CDH23: variants seen among roughly 807,000 people sequenced by gnomAD.
CDH23 encodes the protein cadherin related 23.
A neutral mutation model predicts 317.1 loss-of-function variants in CDH23; 189 were observed. That is an observed-to-expected ratio of 0.60 (90% CI 0.53 to 0.67). The LOEUF is 0.67. Among genes scored for constraint, CDH23 ranks in the 30% least tolerant of loss-of-function variants. The pLI is 0.00. For synonymous variants in CDH23, 1,839 were observed against 1,876.8 expected, an observed-to-expected ratio of 0.98 and a Z score of 0.52; for missense variants, 4,401 against 4,592.4, an observed-to-expected ratio of 0.96 and a Z score of 1.20.
chr10:71,741,075 C>T, intron 37 of CDH23, 125 bp downstream of exon 37: 1 of 1,132,706 alleles, frequency 8.8e-7, no homozygotes, highest in Non-Finnish European at 1.3e-6. Context: ...TGGATGGGAA[C>T]TGTGGCTCAT....
intron 1 of CDH23, among the ~76,000 whole-genome samples, chr10:71,430,583 C>T (rs1162774218): frequency 2.0e-5 from 3 of 152,196 alleles, no homozygotes; most frequent in African/African-American, 7.2e-5. Flanking sequence ...CCGAGGTGGG[C>T]GGATCATTTG....
At chr10:71,713,356 G>C (rs569274550) in intron 28 of CDH23, 1 of 756,580 alleles carries the variant, frequency 1.3e-6, no homozygotes, top group South Asian at 1.4e-5. Context: ...CTGCCCAGAG[G>C]CCTCAGTTGC....
At chr10:71,750,453 C>G (rs1228690943) in intron 38 of CDH23, 1 of 152,346 alleles carries the variant, frequency 6.6e-6, no homozygotes, top group Non-Finnish European at 1.5e-5. Context: ...GGGCGGGGGG[C>G]AGGTGCCCCT....
At chr10:71,811,613 A>G (rs771948881) in intron 64 of CDH23, 23 bp downstream of exon 64, 4 of 1,613,696 alleles carry the variant, frequency 2.5e-6, no homozygotes, top group Non-Finnish European at 3.4e-6. Context: ...CACCCCTGCC[A>G]TCAGGGGGCC....
chr10:71,547,232 G>C (rs991874711), intron 6 of CDH23, among the ~76,000 whole-genome samples: 3 of 152,226 alleles, frequency 2.0e-5, no homozygotes, highest in Non-Finnish European at 4.4e-5. Context: ...CAGACTGGGG[G>C]TCAGAGAAGC....
chr10:71,550,579 A>AAAAAAAAAAAAAG lies in CDH23; in HGVS notation c.430-16158_430-16157insAAAAAAAGAAAAA, dbSNP rs1564647432. ...TGTCTCAAAAAAAAAAAAAAAAAAG[A>AAAAAAAAAAAAAG]AAAAAGAAAAAGAAAGAAAGAAAGA... On this transcript the variant is annotated intron_variant, in intron 6 of 69. Coordinates refer to ENST00000224721, the MANE Select transcript of CDH23 (RefSeq NM_022124.6). Among the ~76,000 whole-genome samples, 84 of 121,190 alleles carry AAAAAAAAAAAAAG rather than the reference A, an allele frequency of 6.9e-4. 2 individuals are homozygous for AAAAAAAAAAAAAG. The highest frequency in any genetic ancestry group is 9.2e-4 in the Non-Finnish European group (55 of 59,464). The allele number at this position is 121,190 out of a possible 152,430, so 79.5% of individuals were successfully genotyped here. A position where few individuals can be genotyped will look rare whatever the true frequency, so the allele number is the denominator to read the frequency against.
intron 6 of CDH23, among the ~76,000 whole-genome samples, chr10:71,524,117 C>T (rs1022382331): frequency 6.6e-6 from 1 of 152,228 alleles, no homozygotes; most frequent in African/African-American, 2.4e-5. Flanking sequence ...ATAGCTTTGA[C>T]CTTGAGGTGT....
chr10:71,789,061 C>T lies in CDH23; in HGVS notation c.5923+19C>T, dbSNP rs534871638. 1.5e-5 allele frequency: 19 copies of T among 1,244,364 alleles called. No homozygotes were observed. The highest frequency in any genetic ancestry group is 1.9e-4 in the Middle Eastern group (1 of 5,374). The allele number at this position is 1,244,364 out of a possible 1,614,324, so 77.1% of individuals were successfully genotyped here. A position where few individuals can be genotyped will look rare whatever the true frequency, so the allele number is the denominator to read the frequency against. On this transcript the variant is annotated intron_variant, in intron 45 of 69. Transcript: ENST00000224721. ...CCCGCTGGTAGGTGCTGGGCCCACC[C>T]GGGAGCTCCTGCTGTTGCCAGGCAC...
intron 3 of CDH23, among the ~76,000 whole-genome samples, chr10:71,464,980 A>G (rs12773691): frequency 0.4 from 60,749 of 152,028 alleles, 13,308 homozygotes; most frequent in East Asian, 0.6. Flanking sequence ...AGTCCTCACA[A>G]CAACCTAGGA....
chr10:71,781,515 G>A (rs1303699307), intron 41 of CDH23, among the ~76,000 whole-genome samples: 1 of 152,190 alleles, frequency 6.6e-6, no homozygotes, highest in African/African-American at 2.4e-5. Context: ...CCCTCCCCAT[G>A]AGGGGCCCAC....
intron 1 of CDH23, among the ~76,000 whole-genome samples, chr10:71,429,153 A>G (rs1490832476): frequency 6.6e-6 from 1 of 152,160 alleles, no homozygotes; most frequent in African/African-American, 2.4e-5. Flanking sequence ...GTTATCAGTC[A>G]TTGTTATCTC....
At chr10:71,487,452 GCGTGT>G (rs1285591136) in intron 3 of CDH23, among the ~76,000 whole-genome samples, 14 of 152,302 alleles carry the variant, frequency 9.2e-5, no homozygotes, top group Non-Finnish European at 1.8e-4. Context: ...CGTGACATAA[GCGTGT>G]CTCTAGAAAG....
chr10:71,592,119 A>G (rs1413346579), intron 9 of CDH23, among the ~76,000 whole-genome samples: 1 of 152,146 alleles, frequency 6.6e-6, no homozygotes, highest in Non-Finnish European at 1.5e-5. Flanking sequence ...GGGCCAAGCT[A>G]AGGAGTGTGG....
At chr10:71,713,164 G>A (rs779963210) in intron 28 of CDH23, 6 of 779,140 alleles carry the variant, frequency 7.7e-6, no homozygotes, top group African/African-American at 1.7e-5. Context: ...AGAGAGCCAG[G>A]GCCCAGCAAG....
chr10:71,694,327 C>T, intron 21 of CDH23, 68 bp downstream of exon 21: 4 of 1,219,520 alleles, frequency 3.3e-6, no homozygotes, highest in Non-Finnish European at 4.7e-6. Flanking sequence ...CTGCTTGTAC[C>T]TCTGGACCCC....
chr10:71,785,047 A>G lies in CDH23; in HGVS notation c.5659A>G (p.Thr1887Ala). The G allele has an allele frequency of 6.2e-7, 1 of 1,614,072 alleles. No homozygotes were observed. The change falls in exon 43 of 70, where the codon ACC becomes GCC. Residue 1887 changes from threonine to alanine, a missense_variant. Coordinates refer to ENST00000224721, the MANE Select transcript of CDH23 (RefSeq NM_022124.6). ...TGACAGTGGCTGCAATGCACGCCTC[A>G]CCTTCAACATCACTGCGGGCAACCG... ...DADSGCNARL[T>A]FNITAGNRER...
intron 1 of CDH23, among the ~76,000 whole-genome samples, chr10:71,419,975 G>A (rs567257075): frequency 1.3e-5 from 2 of 152,314 alleles, no homozygotes; most frequent in Non-Finnish European, 2.9e-5. Context: ...TAGGGATGGA[G>A]TCTGTCCCGG....
intron 6 of CDH23, among the ~76,000 whole-genome samples, chr10:71,526,223 AGAAT>A (rs1431769507): frequency 6.6e-6 from 1 of 152,226 alleles, no homozygotes; most frequent in Non-Finnish European, 1.5e-5. Context: ...TCTAGGCGGT[AGAAT>A]TGGGTCAAAT....
intron 9 of CDH23, among the ~76,000 whole-genome samples, chr10:71,608,655 A>T (rs1183552719): frequency 6.6e-6 from 1 of 152,030 alleles, no homozygotes; most frequent in Admixed American, 6.6e-5. Flanking sequence ...GCAGCATGAG[A>T]CCCCAGCCCT....
Sources: allele counts gnomAD v4.1 joint callset (sites outside exome capture counted in the v4.1 genomes callset), GRCh38; gene constraint gnomAD v4.1.1; transcripts MANE v1.5; gene names NCBI Gene and HGNC (gene_info 2026-07-23, HGNC 2026-07-21).